PYGO1: variants seen among roughly 807,000 people sequenced by gnomAD.
PYGO1 encodes the protein pygopus homolog 1.
In PYGO1, 6 loss-of-function variants were observed where a neutral mutation model predicts 29.5. That is an observed-to-expected ratio of 0.20 (90% confidence interval 0.11 to 0.40). The LOEUF (loss-of-function observed/expected upper bound fraction) is 0.40. Ranked by LOEUF, PYGO1 falls within the 10% of genes least tolerant of loss-of-function variation. The pLI, the probability that PYGO1 is intolerant of heterozygous loss-of-function variation, is 1.00. For synonymous variants in PYGO1, 186 were observed against 180.5 expected, an observed-to-expected ratio of 1.03 and a Z score of -0.24; for missense variants, 515 against 514.9, an observed-to-expected ratio of 1.00 and a Z score of 0.00.
intron 1 of PYGO1, among the ~76,000 whole-genome samples, chr15:55,581,468 G>A (rs376231814): frequency 5.3e-5 from 8 of 152,156 alleles, no homozygotes; most frequent in Non-Finnish European, 2.9e-5. Flanking sequence ...AAGGTAATAG[G>A]AAACCACTGA....
At chr15:55,562,484 C>G (rs1399365803) in intron 1 of PYGO1, among the ~76,000 whole-genome samples, 2 of 152,086 alleles carry the variant, frequency 1.3e-5, no homozygotes. Flanking sequence ...CCAACCTGGC[C>G]AACATGGTGA....
At chr15:55,582,332 C>A (rs1467295893) in intron 1 of PYGO1, among the ~76,000 whole-genome samples, 2 of 151,648 alleles carry the variant, frequency 1.3e-5, no homozygotes, top group Non-Finnish European at 2.9e-5. Context: ...GAAAAAGAAT[C>A]ATGGACATCT....
At position 55,588,022 on chromosome 15, in the gene PYGO1, G is replaced by C. The variant is rs560859252; in HGVS notation, c.-139C>G. On this transcript the variant is annotated 5_prime_UTR_variant, in exon 1 of 3. Transcript: ENST00000563719. ...AGCCGAGGCACGGCCGAGGGCGGTG[G>C]GGACGCGGGCCGACTTTGCAAAGTT... 1.0e-4 allele frequency: 131 copies of C among 1,279,532 alleles called. No individual in the cohort carries two copies. The African/African-American group carries it at 1.2e-3, about 11-fold the overall frequency. The allele number at this position is 1,279,532 out of a possible 1,614,324, so 79.3% of individuals were successfully genotyped here.
intron 1 of PYGO1, among the ~76,000 whole-genome samples, chr15:55,562,858 C>A (rs2058938947): frequency 6.6e-6 from 1 of 152,066 alleles, no homozygotes; most frequent in African/African-American, 2.4e-5. Flanking sequence ...GAGCTAGAAG[C>A]TGTTACCCTC....
chr15:55,558,010 G>A (rs2058914656), intron 1 of PYGO1, among the ~76,000 whole-genome samples: 2 of 152,072 alleles, frequency 1.3e-5, no homozygotes, highest in South Asian at 4.1e-4. Flanking sequence ...CAATCAGGCA[G>A]TAGAAAGAAA....
chr15:55,572,645 T>C (rs2058984778), intron 1 of PYGO1, among the ~76,000 whole-genome samples: 1 of 152,104 alleles, frequency 6.6e-6, no homozygotes, highest in Non-Finnish European at 1.5e-5. Context: ...GCAAATCATA[T>C]ATCTCTTAAG....
Position 55,548,996 on chromosome 15 carries a change from CT to C in PYGO1, c.50-2del. ...AACCCATCCAGTCCACTATCACCAC[CT>C]AAAAAAAAAAAAATTCAGGTAATAT... On this transcript the variant is annotated splice_acceptor_variant, in intron 1 of 2. Transcript: ENST00000563719. LOFTEE classifies it high-confidence loss of function. 2 of 1,587,478 alleles carry C rather than the reference CT, an allele frequency of 1.3e-6. No homozygotes were observed. Among genetic ancestry groups the C allele is most frequent in the Admixed American group, 1.9e-5 (1 of 54,040 alleles).
intron 1 of PYGO1, among the ~76,000 whole-genome samples, chr15:55,577,734 A>T (rs62021873): frequency 0.055 from 7,985 of 146,222 alleles, 265 homozygotes; most frequent in Middle Eastern, 0.07. Context: ...GTCACTCCTC[A>T]TTCCCCCACC....
At chr15:55,575,077 G>C (rs1007727738) in intron 1 of PYGO1, among the ~76,000 whole-genome samples, 17 of 152,116 alleles carry the variant, frequency 1.1e-4, no homozygotes, top group Non-Finnish European at 8.8e-5. Context: ...GAAAACAGAG[G>C]CTCAGATTTA....
chr15:55,552,422 A>AATGAAAAT (rs1460391774), intron 1 of PYGO1, among the ~76,000 whole-genome samples: 1 of 151,596 alleles, frequency 6.6e-6, no homozygotes, highest in Non-Finnish European at 1.5e-5. Context: ...CAGGGAGAAG[A>AATGAAAAT]ATGAAAATGG....
chr15:55,574,648 ATG>A (rs56305536), intron 1 of PYGO1, among the ~76,000 whole-genome samples: 14,240 of 150,952 alleles, frequency 0.094, 1,181 homozygotes, highest in African/African-American at 0.22. Context: ...TATACTGTAT[ATG>A]TGTGTGTGTG....
chr15:55,569,086 T>C lies in PYGO1; in HGVS notation c.49+18749A>G, dbSNP rs578249253. 1.1e-4 allele frequency among the ~76,000 whole-genome samples: 17 copies of C among 152,146 alleles called. No individual in the cohort carries two copies. The East Asian group carries it at 3.3e-3, about 29-fold the overall frequency. On this transcript the variant is annotated intron_variant, in intron 1 of 2. Transcript: ENST00000563719. ...TCATTGTGTCCTTGCCAGGTTTTGGTATTGGGATGATGGGACTCATTCTAC... is the reference window on the plus strand; with the variant it reads ...TCATTGTGTCCTTGCCAGGTTTTGGCATTGGGATGATGGGACTCATTCTAC...
At chr15:55,579,575 G>A (rs1000578151) in intron 1 of PYGO1, among the ~76,000 whole-genome samples, 2 of 151,982 alleles carry the variant, frequency 1.3e-5, no homozygotes, top group Admixed American at 1.3e-4. Context: ...GAGTGCAGTG[G>A]CACCATCACA....
chr15:55,579,623 T>A (rs757507835), intron 1 of PYGO1, among the ~76,000 whole-genome samples: 4 of 152,108 alleles, frequency 2.6e-5, no homozygotes, highest in Non-Finnish European at 5.9e-5. Context: ...TCAAGCAATC[T>A]TACTACTTCA....
chr15:55,563,321 A>G (rs557397209), intron 1 of PYGO1, among the ~76,000 whole-genome samples: 14 of 151,636 alleles, frequency 9.2e-5, no homozygotes, highest in African/African-American at 2.7e-4. Context: ...TTTTATTTCA[A>G]TATGTTTTTA....
chr15:55,546,842 G>C lies in PYGO1; in HGVS notation c.441C>G (p.Asn147Lys). The C allele has an allele frequency of 2.5e-6, 4 of 1,614,080 alleles. No homozygotes were observed. Among genetic ancestry groups the C allele is most frequent in the African/African-American group, 2.7e-5 (2 of 75,004 alleles). The change falls in exon 3 of 3, where the codon AAC becomes AAG. Residue 147 changes from asparagine to lysine, a missense_variant. Asn to Lys is a moderately conservative substitution (Grantham distance 94, BLOSUM62 0). Coordinates refer to ENST00000563719, the MANE Select transcript of PYGO1 (RefSeq NM_001367806.1). The part of the protein sequence containing the change: ...GMGFNRPHAF[N>K]FGPHDNSSFG... Reference sequence around the variant, plus strand: ...AACTTGAATTATCATGTGGCCCAAAGTTAAAAGCATGAGGTCGATTAAAAC... The same window carrying C: ...AACTTGAATTATCATGTGGCCCAAACTTAAAAGCATGAGGTCGATTAAAAC...
intron 1 of PYGO1, among the ~76,000 whole-genome samples, chr15:55,578,511 A>C (rs1286940176): frequency 1.3e-5 from 2 of 152,158 alleles, no homozygotes; most frequent in Non-Finnish European, 2.9e-5. Flanking sequence ...ATCCTCACCA[A>C]CATTTTTCTG....
At chr15:55,567,197 CTTTTTTT>C (rs71297645) in intron 1 of PYGO1, among the ~76,000 whole-genome samples, 189 of 47,074 alleles carry the variant, frequency 4.0e-3, no homozygotes, top group Middle Eastern at 0.05. Flanking sequence ...TTTTGCCCAC[CTTTTTTT>C]TTTTTTTTTT....
chr15:55,576,999 A>G (rs1159462095), intron 1 of PYGO1, among the ~76,000 whole-genome samples: 1 of 103,000 alleles, frequency 9.7e-6, no homozygotes, highest in African/African-American at 2.9e-5. Flanking sequence ...TAAGATAGCA[A>G]CAAAGATAAA....
Sources: gnomAD v4.1 joint callset for allele counts (sites outside exome capture counted in the v4.1 genomes callset) on GRCh38, gnomAD v4.1.1 for gene constraint, MANE v1.5 for transcripts, NCBI Gene and HGNC (gene_info 2026-07-23, HGNC 2026-07-21) for gene names.